The following CD53 variants were observed in gnomAD, a reference collection of about 807,000 sequenced individuals.
The protein encoded by CD53 is leukocyte surface antigen CD53.
A neutral mutation model predicts 27.3 loss-of-function variants in CD53; 20 were observed. The ratio of observed to expected loss-of-function variants is 0.73; its 90% CI spans 0.52 to 1.07. CD53 has a LOEUF of 1.07. CD53 is among the 50% of genes least tolerant of loss of function. The pLI, the probability that CD53 is intolerant of heterozygous loss-of-function variation, is 0.00. For missense variants in CD53, 216 were observed against 264.0 expected, an observed-to-expected ratio of 0.82 and a Z score of 1.26; for synonymous variants, 106 against 105.3, an observed-to-expected ratio of 1.01 and a Z score of -0.04.
chr1:110,873,565 G>T (rs1255618045), intron 1 of CD53, among the ~76,000 whole-genome samples: 2 of 152,186 alleles, frequency 1.3e-5, no homozygotes. Flanking sequence ...TATGCGAGAT[G>T]ACATTGGGGA....
intron 1 of CD53, among the ~76,000 whole-genome samples, chr1:110,884,582 C>T (rs1470612292): frequency 6.6e-6 from 1 of 152,108 alleles, no homozygotes; most frequent in African/African-American, 2.4e-5. Flanking sequence ...ATAACTTATA[C>T]TTGTCTATAT....
At chr1:110,877,524 C>A (rs1031995518) in intron 1 of CD53, among the ~76,000 whole-genome samples, 2 of 152,252 alleles carry the variant, frequency 1.3e-5, no homozygotes, top group Admixed American at 1.3e-4. Flanking sequence ...AGTCCCTGTC[C>A]CACCTCAGCT....
intron 5 of CD53, among the ~76,000 whole-genome samples, chr1:110,895,467 C>T (rs1016037079): frequency 3.3e-5 from 5 of 152,172 alleles, no homozygotes; most frequent in Non-Finnish European, 7.3e-5. Flanking sequence ...GTGCTGTTTC[C>T]ACCCACAAAC....
At chr1:110,875,347 T>C (rs941377931) in intron 1 of CD53, among the ~76,000 whole-genome samples, 2 of 152,128 alleles carry the variant, frequency 1.3e-5, no homozygotes, top group African/African-American at 4.8e-5. Flanking sequence ...CAGCTCTGGG[T>C]GGGGCTATGC....
chr1:110,883,814 A>G (rs1656454878), intron 1 of CD53, among the ~76,000 whole-genome samples: 1 of 151,896 alleles, frequency 6.6e-6, no homozygotes, highest in Non-Finnish European at 1.5e-5. Flanking sequence ...TCTAAGTTGT[A>G]TTGGCATGAA....
chr1:110,894,914 C>T (rs1183351969), intron 4 of CD53, 46 bp from the exon 5 acceptor site: 1 of 1,445,410 alleles, frequency 6.9e-7, no homozygotes, highest in Admixed American at 1.7e-5. Context: ...TCCTTGAACT[C>T]ACCTGCTTTT....
At chr1:110,886,649 G>T (rs1248356163) in intron 1 of CD53, among the ~76,000 whole-genome samples, 1 of 151,918 alleles carries the variant, frequency 6.6e-6, no homozygotes, top group Non-Finnish European at 1.5e-5. Flanking sequence ...AGGCATGCGA[G>T]ACCAGCCTGG....
intron 1 of CD53, among the ~76,000 whole-genome samples, chr1:110,888,499 C>T (rs1020163576): frequency 2.6e-5 from 4 of 152,162 alleles, no homozygotes; most frequent in Non-Finnish European, 5.9e-5. Flanking sequence ...CATTGTCTCA[C>T]ATTCAGTGTT....
At chr1:110,886,495 C>G (rs1656609965) in intron 1 of CD53, among the ~76,000 whole-genome samples, 1 of 152,088 alleles carries the variant, frequency 6.6e-6, no homozygotes, top group Non-Finnish European at 1.5e-5. Context: ...ACTCCAGTGA[C>G]ATGTATATTA....
upstream of CD53, among the ~76,000 whole-genome samples, chr1:110,872,021 G>A (rs1434439880): frequency 3.9e-5 from 6 of 152,160 alleles, no homozygotes; most frequent in Non-Finnish European, 7.3e-5. Flanking sequence ...AATGTCTCAG[G>A]GTGAAGGAAG....
chr1:110,876,191 C>T (rs1012505991), intron 1 of CD53, among the ~76,000 whole-genome samples: 1 of 152,198 alleles, frequency 6.6e-6, no homozygotes, highest in Non-Finnish European at 1.5e-5. Flanking sequence ...GTCCAATCTG[C>T]TTACTTTTCA....
chr1:110,886,491 G>A (rs907715085), intron 1 of CD53, among the ~76,000 whole-genome samples: 3 of 152,164 alleles, frequency 2.0e-5, no homozygotes, highest in Middle Eastern at 3.4e-3. Flanking sequence ...AGAGACTCCA[G>A]TGACATGTAT....
At chr1:110,890,974 A>C (rs1386177296) in intron 1 of CD53, among the ~76,000 whole-genome samples, 1 of 152,276 alleles carries the variant, frequency 6.6e-6, no homozygotes, top group Non-Finnish European at 1.5e-5. Flanking sequence ...GTATTTAAGA[A>C]ACTGGCTGAT....
intron 1 of CD53, among the ~76,000 whole-genome samples, chr1:110,881,547 A>C (rs747514715): frequency 1.3e-5 from 2 of 152,262 alleles, no homozygotes; most frequent in Non-Finnish European, 2.9e-5. Flanking sequence ...TATTACAAAT[A>C]ATACTACAAA....
chr1:110,897,255 A>C (rs2101068233), intron 6 of CD53, among the ~76,000 whole-genome samples: 1 of 152,324 alleles, frequency 6.6e-6, no homozygotes, highest in African/African-American at 2.4e-5. Flanking sequence ...TCTGAGAAGA[A>C]GCCACAACTA....
chr1:110,896,814 C>T, intron 6 of CD53, 81 bp downstream of exon 6: 1 of 1,167,690 alleles, frequency 8.6e-7, no homozygotes. Context: ...TCATAGAGGA[C>T]CTAGACCTTC....
At chr1:110,888,328 C>T (rs377249400) in intron 1 of CD53, among the ~76,000 whole-genome samples, 9 of 152,182 alleles carry the variant, frequency 5.9e-5, no homozygotes, top group East Asian at 1.9e-4. Flanking sequence ...TTGTACATTG[C>T]GGTGTCCTGT....
chr1:110,886,869 A>ATATATATTTT (rs1298376721), intron 1 of CD53, among the ~76,000 whole-genome samples: 6,125 of 82,192 alleles, frequency 0.075, 297 homozygotes, highest in Middle Eastern at 0.097. Context: ...ATATATATAT[A>ATATATATTTT]TTTTTTTTTT....
Position 110,899,132 on chromosome 1 carries a change from G to A in CD53, c.597G>A (p.Gly199=). 6.2e-7 allele frequency: 1 copy of A among 1,613,624 alleles called. No homozygotes were observed. Among genetic ancestry groups the A allele is most frequent in the Non-Finnish European group, 8.5e-7 (1 of 1,179,662 alleles). The change falls in exon 8 of 8, where the codon GGG becomes GGA. Residue 199 remains glycine (G), a synonymous_variant. Coordinates refer to ENST00000271324, the MANE Select transcript of CD53 (RefSeq NM_000560.4). Reference sequence around the variant, plus strand: ...CCCAACTCTTTTCACAGGTGTTGGGGATGTCCTTTGCACTGACCCTGAACT... The same window carrying A: ...CCCAACTCTTTTCACAGGTGTTGGGAATGTCCTTTGCACTGACCCTGAACT... The part of the protein sequence containing the change: ...TICVCVIEVL[G]MSFALTLNCQ...
Sources: allele counts gnomAD v4.1 joint callset (sites outside exome capture counted in the v4.1 genomes callset), GRCh38; gene constraint gnomAD v4.1.1; transcripts MANE v1.5; gene names NCBI Gene and HGNC (gene_info 2026-07-23, HGNC 2026-07-21).